The following CAMTA1 variants were observed in gnomAD, a reference collection of about 807,000 sequenced individuals.
CAMTA1 encodes calmodulin-binding transcription activator 1.
A neutral mutation model predicts 170.9 loss-of-function variants in CAMTA1; 27 were observed. That is an observed-to-expected ratio of 0.16 (90% CI 0.12 to 0.22). The LOEUF is 0.22. CAMTA1 is among the 10% of genes least tolerant of loss of function. The pLI, the probability that CAMTA1 is intolerant of heterozygous loss-of-function variation, is 1.00. For missense variants in CAMTA1, 1,619 were observed against 2,217.2 expected, an observed-to-expected ratio of 0.73 and a Z score of 5.42; for synonymous variants, 833 against 891.5, an observed-to-expected ratio of 0.93 and a Z score of 1.17.
At chr1:7,492,374 G>A (rs61111144) in intron 6 of CAMTA1, among the ~76,000 whole-genome samples, 3 of 152,060 alleles carry the variant, frequency 2.0e-5, no homozygotes, top group Non-Finnish European at 2.9e-5. Context: ...AGCTGGCTCC[G>A]GCCTTTTGCA....
intron 3 of CAMTA1, among the ~76,000 whole-genome samples, chr1:6,900,165 G>T (rs1413141422): frequency 6.6e-6 from 1 of 152,202 alleles, no homozygotes; most frequent in Non-Finnish European, 1.5e-5. Context: ...CTAAACATAT[G>T]CTGCTTCATT....
At chr1:6,798,895 C>A (rs1212150576) in intron 1 of CAMTA1, among the ~76,000 whole-genome samples, 1 of 152,060 alleles carries the variant, frequency 6.6e-6, no homozygotes, top group Non-Finnish European at 1.5e-5. Context: ...CACCTCCACG[C>A]CTGGCTAAAG....
At chr1:7,662,064 T>C (rs2095963833) in intron 8 of CAMTA1, among the ~76,000 whole-genome samples, 198 bp downstream of exon 8, 1 of 152,196 alleles carries the variant, frequency 6.6e-6, no homozygotes, top group African/African-American at 2.4e-5. Context: ...TGCAACTGGC[T>C]GGCAGTCCGC....
intron 5 of CAMTA1, among the ~76,000 whole-genome samples, chr1:7,274,632 A>T (rs1670318198): frequency 6.6e-6 from 1 of 152,160 alleles, no homozygotes; most frequent in Non-Finnish European, 1.5e-5. Flanking sequence ...GTGGCAGAAT[A>T]TACATTCTTT....
In CAMTA1 at chr1:7,664,434, G is replaced by A. The variant is rs2095985219; in HGVS notation, c.1887G>A (p.Gln629=). The A allele has an allele frequency of 6.2e-7, 1 of 1,613,490 alleles. No homozygotes were observed. Among genetic ancestry groups the A allele is most frequent in the Non-Finnish European group, 8.5e-7 (1 of 1,179,992 alleles). The change falls in exon 9 of 23, where the codon CAG becomes CAA. Residue 629 remains glutamine (Q), a synonymous_variant. Coordinates refer to ENST00000303635, the MANE Select transcript of CAMTA1 (RefSeq NM_015215.4). ...CCAGCAAACCCCTCCCCGTCGAGCA[G>A]AACACCCACAGCAGCCTGAGTGACT... ...QDASKPLPVE[Q]NTHSSLSDSG...
chr1:7,497,747 A>G (rs1414951141), intron 6 of CAMTA1, among the ~76,000 whole-genome samples: 3 of 152,232 alleles, frequency 2.0e-5, no homozygotes, highest in Non-Finnish European at 2.9e-5. Context: ...GAGCTCAGCC[A>G]TGACGGCAGG....
chr1:7,358,761 G>C (rs2085322901), intron 5 of CAMTA1, among the ~76,000 whole-genome samples: 1 of 152,220 alleles, frequency 6.6e-6, no homozygotes. Flanking sequence ...ATGGTCAGGG[G>C]AAGTTGCTGT....
intron 6 of CAMTA1, among the ~76,000 whole-genome samples, chr1:7,559,514 G>C (rs55848379): frequency 0.16 from 24,817 of 152,254 alleles, 2,695 homozygotes; most frequent in African/African-American, 0.31. Context: ...AGAGCAGAGG[G>C]AAGCGGGGAG....
At chr1:6,930,848 C>T (rs762656468) in intron 3 of CAMTA1, among the ~76,000 whole-genome samples, 6 of 152,250 alleles carry the variant, frequency 3.9e-5, no homozygotes, top group Admixed American at 6.5e-5. Context: ...TTAGCCCACT[C>T]TTCACCAGGC....
At chr1:7,334,619 T>C (rs749748014) in intron 5 of CAMTA1, among the ~76,000 whole-genome samples, 8 of 152,222 alleles carry the variant, frequency 5.3e-5, no homozygotes, top group Non-Finnish European at 4.4e-5. Context: ...ATGTCTCTCT[T>C]GTTCCTCCCC....
chr1:7,375,508 G>A (rs756253624), intron 5 of CAMTA1, among the ~76,000 whole-genome samples: 29 of 152,194 alleles, frequency 1.9e-4, no homozygotes, highest in Non-Finnish European at 3.4e-4. Context: ...GACGCACATG[G>A]TGTGTTGGCA....
intron 5 of CAMTA1, among the ~76,000 whole-genome samples, chr1:7,355,156 A>G (rs542180179): frequency 1.3e-5 from 2 of 150,088 alleles, no homozygotes; most frequent in South Asian, 4.2e-4. Flanking sequence ...CAGTGAGCCG[A>G]GATCACACCA....
intron 5 of CAMTA1, among the ~76,000 whole-genome samples, chr1:7,272,600 G>A (rs1669962551): frequency 7.0e-6 from 1 of 143,376 alleles, no homozygotes; most frequent in African/African-American, 2.6e-5. Context: ...TAGCATTTAT[G>A]GTCAATTGAT....
chr1:7,409,568 G>A (rs1220644069), intron 5 of CAMTA1, among the ~76,000 whole-genome samples: 1 of 152,110 alleles, frequency 6.6e-6, no homozygotes, highest in East Asian at 1.9e-4. Context: ...CTGGCATTTC[G>A]TGACTATCAC....
chr1:6,855,807 A>C (rs977198443), intron 3 of CAMTA1, among the ~76,000 whole-genome samples: 2 of 152,164 alleles, frequency 1.3e-5, no homozygotes, highest in South Asian at 2.1e-4. Flanking sequence ...ATAGCAGATA[A>C]ACAGAGCAAC....
At chr1:7,469,165 A>G (rs1162308113) in intron 6 of CAMTA1, among the ~76,000 whole-genome samples, 1 of 152,090 alleles carries the variant, frequency 6.6e-6, no homozygotes, top group Middle Eastern at 3.2e-3. Flanking sequence ...CTGCTTCCCA[A>G]TACCTCACCC....
At chr1:7,385,919 C>A (rs936589606) in intron 5 of CAMTA1, among the ~76,000 whole-genome samples, 1 of 152,174 alleles carries the variant, frequency 6.6e-6, no homozygotes, top group Admixed American at 6.5e-5. Flanking sequence ...CATGCAGGAG[C>A]CTCACTCACT....
At chr1:7,054,494 C>G (rs1445928256) in intron 3 of CAMTA1, among the ~76,000 whole-genome samples, 1 of 152,228 alleles carries the variant, frequency 6.6e-6, no homozygotes, top group East Asian at 1.9e-4. Context: ...GGGGGTTCAG[C>G]AGCAAGTTCT....
At chr1:6,838,491 C>T (rs1304673862) in intron 3 of CAMTA1, among the ~76,000 whole-genome samples, 1 of 152,184 alleles carries the variant, frequency 6.6e-6, no homozygotes, top group East Asian at 1.9e-4. Context: ...TTATACAGCA[C>T]ATCACCAATA....
Sources: gnomAD v4.1 joint callset for allele counts (sites outside exome capture counted in the v4.1 genomes callset) on GRCh38, gnomAD v4.1.1 for gene constraint, MANE v1.5 for transcripts, NCBI Gene and HGNC (gene_info 2026-07-23, HGNC 2026-07-21) for gene names.